The following AGBL1 variants were observed in gnomAD, a reference collection of about 807,000 sequenced individuals.
AGBL1 encodes cytosolic carboxypeptidase 4.
Under a neutral mutation model 118.9 loss-of-function variants are expected in AGBL1, and 130 were observed. The observed-to-expected ratio is 1.09, with a 90% CI of 0.95 to 1.26. AGBL1 has a LOEUF of 1.26. Ranked by LOEUF, AGBL1 falls within the 50% of genes most tolerant of loss-of-function variation. The pLI is 0.00. For missense variants in AGBL1, 1,584 were observed against 1,298.1 expected, an observed-to-expected ratio of 1.22 and a Z score of -3.38; for synonymous variants, 555 against 478.9, an observed-to-expected ratio of 1.16 and a Z score of -2.08.
At chr15:86,408,165 A>C (rs28377392) in intron 18 of AGBL1, among the ~76,000 whole-genome samples, 5,043 of 152,208 alleles carry the variant, frequency 0.033, 274 homozygotes, top group African/African-American at 0.12. Flanking sequence ...GAAAGCTTAC[A>C]TGATCACAAG....
chr15:86,122,740 T>C (rs534508940), intron 1 of AGBL1, among the ~76,000 whole-genome samples: 1 of 152,300 alleles, frequency 6.6e-6, no homozygotes, highest in East Asian at 1.9e-4. Flanking sequence ...ACCAACTGAG[T>C]GGACCCTTCC....
At chr15:86,620,619 CT>C (rs2084789946) in intron 21 of AGBL1, among the ~76,000 whole-genome samples, 1 of 152,202 alleles carries the variant, frequency 6.6e-6, no homozygotes, top group Non-Finnish European at 1.5e-5. Context: ...AATCTATCCT[CT>C]GCATGCATTA....
chr15:86,822,064 T>C (rs2078949616), intron 22 of AGBL1, among the ~76,000 whole-genome samples: 1 of 152,212 alleles, frequency 6.6e-6, no homozygotes, highest in African/African-American at 2.4e-5. Flanking sequence ...TCAGTGTCCA[T>C]GTGTGCACAG....
At chr15:86,689,652 G>A (rs1464638648) in intron 22 of AGBL1, among the ~76,000 whole-genome samples, 1 of 151,888 alleles carries the variant, frequency 6.6e-6, no homozygotes, top group African/African-American at 2.4e-5. Flanking sequence ...TTACACCCAT[G>A]GCATTACCTC....
intron 1 of AGBL1, among the ~76,000 whole-genome samples, chr15:86,098,474 T>A (rs1896517766): frequency 6.6e-6 from 1 of 152,162 alleles, no homozygotes; most frequent in Non-Finnish European, 1.5e-5. Flanking sequence ...TAATCCATCT[T>A]GAGTTGATTT....
chr15:86,186,358 G>A (rs1353053317), intron 5 of AGBL1, among the ~76,000 whole-genome samples: 2 of 152,104 alleles, frequency 1.3e-5, no homozygotes, highest in South Asian at 2.1e-4. Context: ...CATGTATCCC[G>A]GAACTTAAAA....
At chr15:86,233,307 A>G (rs1441752808) in intron 6 of AGBL1, among the ~76,000 whole-genome samples, 1 of 151,960 alleles carries the variant, frequency 6.6e-6, no homozygotes, top group Non-Finnish European at 1.5e-5. Flanking sequence ...CAAACACTTG[A>G]CTTCAGTTTG....
intron 22 of AGBL1, among the ~76,000 whole-genome samples, chr15:86,857,486 A>G (rs748488768): frequency 2.6e-5 from 4 of 152,006 alleles, no homozygotes; most frequent in Non-Finnish European, 5.9e-5. Flanking sequence ...GGCTTTTCCC[A>G]TGTGACTCCC....
At chr15:86,563,676 T>C (rs1343975230) in intron 21 of AGBL1, among the ~76,000 whole-genome samples, 5 of 152,236 alleles carry the variant, frequency 3.3e-5, no homozygotes, top group Non-Finnish European at 7.3e-5. Flanking sequence ...GTTCAATTCC[T>C]GGATATCCTT....
chr15:86,257,926 G>A (rs2078922605), intron 8 of AGBL1, 38 bp from the exon 9 acceptor site: 2 of 1,600,932 alleles, frequency 1.2e-6, no homozygotes. Context: ...CGGGCAAAGG[G>A]GAAACTTCAC....
chr15:86,546,115 A>T lies in AGBL1; in HGVS notation c.2799A>T (p.Leu933=), dbSNP rs747243593. The T allele has an allele frequency of 6.2e-7, 1 of 1,612,844 alleles. No individual in the cohort carries two copies. Among genetic ancestry groups the T allele is most frequent in the South Asian group, 1.1e-5 (1 of 91,016 alleles). ...AACTVGTSTI[L]EEVNYRTLPK... is the part of the protein sequence containing the mutation. ...GCACTGTGGGCACATCTACTATCCT[A>T]GAGGAGGTCAACTACAGGGTAAGCC... The change falls in exon 20 of 23, where the codon CTA becomes CTT. Residue 933 remains leucine, a synonymous_variant. Transcript: ENST00000614907.
chr15:86,590,266 A>G (rs1162107287), intron 21 of AGBL1, among the ~76,000 whole-genome samples: 1 of 152,216 alleles, frequency 6.6e-6, no homozygotes, highest in African/African-American at 2.4e-5. Flanking sequence ...CTTGAATTAT[A>G]GTTCCCATAA....
rs1311386275 is a variant in AGBL1, at chr15:86,849,415, A to G, written c.3159-57672A>G. On this transcript the variant is annotated intron_variant, in intron 22 of 22. Coordinates refer to ENST00000614907, the MANE Select transcript of AGBL1 (RefSeq NM_001386094.1). ...CTGCACACAAATCAGCATGGGGCTA[A>G]ATAATTCAAATCAGAATTACTAGCA... Among the ~76,000 whole-genome samples, 3 of 152,200 alleles carry G rather than the reference A, an allele frequency of 2.0e-5. No individual in the cohort carries two copies. The East Asian group carries it at 5.8e-4, about 29-fold the overall frequency.
intron 3 of AGBL1, among the ~76,000 whole-genome samples, chr15:86,151,583 A>C (rs60470873): frequency 0.11 from 16,194 of 152,218 alleles, 2,850 homozygotes; most frequent in African/African-American, 0.36. Flanking sequence ...TGAATGGGAA[A>C]AAACTGGAAA....
At chr15:86,742,341 C>T (rs1003097601) in intron 22 of AGBL1, among the ~76,000 whole-genome samples, 10 of 152,130 alleles carry the variant, frequency 6.6e-5, no homozygotes, top group Admixed American at 2.6e-4. Context: ...ATGCCCTCTG[C>T]TTTTGTCGAG....
chr15:86,294,267 T>C (rs1178826536), intron 16 of AGBL1, among the ~76,000 whole-genome samples: 1 of 151,666 alleles, frequency 6.6e-6, no homozygotes, highest in Admixed American at 6.6e-5. Flanking sequence ...GGTGTGGTCG[T>C]GGGTGCCTGT....
chr15:86,933,692 G>A (rs2080632834), intron 23 of AGBL1, among the ~76,000 whole-genome samples: 1 of 152,200 alleles, frequency 6.6e-6, no homozygotes, highest in African/African-American at 2.4e-5. Flanking sequence ...CTGCCTGCCT[G>A]TGTTTTATTT....
At chr15:86,867,231 T>A (rs1415832702) in intron 22 of AGBL1, among the ~76,000 whole-genome samples, 1 of 152,242 alleles carries the variant, frequency 6.6e-6, no homozygotes, top group African/African-American at 2.4e-5. Flanking sequence ...GAAGGTTTAC[T>A]CAGCCCTCAT....
chr15:86,785,111 C>T (rs1254035092), intron 22 of AGBL1, among the ~76,000 whole-genome samples: 2 of 152,062 alleles, frequency 1.3e-5, no homozygotes. Flanking sequence ...TCCTAAGGTG[C>T]ACTCTCTGCC....
Sources: allele counts gnomAD v4.1 joint callset (sites outside exome capture counted in the v4.1 genomes callset), GRCh38; gene constraint gnomAD v4.1.1; transcripts MANE v1.5; gene names NCBI Gene and HGNC (gene_info 2026-07-23, HGNC 2026-07-21).